TANC2: variants seen among roughly 807,000 people sequenced by gnomAD.
TANC2 encodes tetratricopeptide repeat, ankyrin repeat and coiled-coil containing 2.
In TANC2, 26 loss-of-function variants were observed where a neutral mutation model predicts 210.5. The observed-to-expected ratio is 0.12, with a 90% CI of 0.09 to 0.17. TANC2 has a LOEUF of 0.17. Among genes scored for constraint, TANC2 ranks in the 10% least tolerant of loss-of-function variants. TANC2 has a pLI of 1.00. For missense variants in TANC2, 2,129 were observed against 2,608.9 expected (o/e 0.82, Z 4.01); for synonymous variants, 931 against 967.1 (o/e 0.96, Z 0.69).
At chr17:63,354,896 A>G (rs199972865) in exon 14 of TANC2, 2 of 1,613,858 alleles carry the variant, frequency 1.2e-6, no homozygotes, top group South Asian at 2.2e-5. Context: ...ACAGCAGCTC[A>G]GAGATCCAGA....
intron 9 of TANC2, among the ~76,000 whole-genome samples, chr17:63,307,932 A>C (rs2044979979): frequency 6.6e-6 from 1 of 151,978 alleles, no homozygotes; most frequent in African/African-American, 2.4e-5. Context: ...TGCCCAGCTA[A>C]TTTTTTGTAT....
intron 5 of TANC2, among the ~76,000 whole-genome samples, chr17:63,170,060 A>G (rs541765804): frequency 1.3e-5 from 2 of 151,200 alleles, no homozygotes; most frequent in East Asian, 3.9e-4. Context: ...CGGCACTTGC[A>G]GTGAGCGGAG....
chr17:63,080,777 T>C (rs965156904), intron 3 of TANC2, among the ~76,000 whole-genome samples: 1 of 152,158 alleles, frequency 6.6e-6, no homozygotes, highest in Non-Finnish European at 1.5e-5. Flanking sequence ...TATTTCAATA[T>C]TCAGTGTATT....
At chr17:63,253,830 G>A (rs1423236313) in intron 8 of TANC2, among the ~76,000 whole-genome samples, 2 of 151,860 alleles carry the variant, frequency 1.3e-5, no homozygotes, top group Non-Finnish European at 2.9e-5. Flanking sequence ...GTTGTTTTTG[G>A]TAGAGACAGG....
intron 19 of TANC2, chr17:63,399,160 C>T: frequency 3.8e-6 from 1 of 266,412 alleles, no homozygotes; most frequent in Non-Finnish European, 7.1e-6. Context: ...TCTCTTGTTT[C>T]CAAATATTTT....
At chr17:63,383,754 A>G (rs1045246437) in intron 15 of TANC2, among the ~76,000 whole-genome samples, 2 of 152,176 alleles carry the variant, frequency 1.3e-5, no homozygotes, top group South Asian at 4.1e-4. Context: ...TTGTATGGTA[A>G]GACTATGTTT....
At chr17:62,984,199 G>A (rs2032451362) in intron 1 of TANC2, among the ~76,000 whole-genome samples, 1 of 151,878 alleles carries the variant, frequency 6.6e-6, no homozygotes, top group Admixed American at 6.6e-5. Context: ...TCTTCATTTG[G>A]TCTTGTTAGC....
At chr17:63,222,687 T>C (rs1223496944) in intron 7 of TANC2, among the ~76,000 whole-genome samples, 1 of 151,736 alleles carries the variant, frequency 6.6e-6, no homozygotes, top group Non-Finnish European at 1.5e-5. Flanking sequence ...TGAATCTTAT[T>C]GTATGTAAAT....
At chr17:63,255,313 C>A (rs980643721) in intron 8 of TANC2, among the ~76,000 whole-genome samples, 2 of 152,064 alleles carry the variant, frequency 1.3e-5, no homozygotes, top group Middle Eastern at 3.4e-3. Flanking sequence ...TGGTCTTGAT[C>A]TCCTGACCTT....
chr17:63,215,318 A>G (rs1033035033), intron 7 of TANC2, among the ~76,000 whole-genome samples: 3 of 152,196 alleles, frequency 2.0e-5, no homozygotes, highest in Non-Finnish European at 4.4e-5. Flanking sequence ...ATCGTCTTTT[A>G]TTGAACAATG....
chr17:63,161,816 TTAG>T (rs1465239844), intron 5 of TANC2, among the ~76,000 whole-genome samples: 1 of 152,178 alleles, frequency 6.6e-6, no homozygotes, highest in Admixed American at 6.5e-5. Context: ...CATCCACCGA[TTAG>T]TAGTAGGTGC....
At chr17:63,184,567 A>AAC (rs139575287) in intron 5 of TANC2, among the ~76,000 whole-genome samples, 3,143 of 152,132 alleles carry the variant, frequency 0.021, 41 homozygotes, top group South Asian at 0.038. Flanking sequence ...TCCCCTTACA[A>AAC]ACATACCCAC....
intron 7 of TANC2, among the ~76,000 whole-genome samples, chr17:63,220,736 A>ATG (rs1567826730): frequency 7.0e-6 from 1 of 142,334 alleles, no homozygotes; most frequent in Non-Finnish European, 1.5e-5. Context: ...ATATATATAT[A>ATG]TGTATATATA....
chr17:63,179,779 T>C (rs1041670569), intron 5 of TANC2, among the ~76,000 whole-genome samples: 4 of 151,950 alleles, frequency 2.6e-5, no homozygotes, highest in Non-Finnish European at 5.9e-5. Flanking sequence ...TCCATCCCTT[T>C]CCTCCCCTCA....
At chr17:63,051,986 A>G (rs2035598960) in intron 2 of TANC2, among the ~76,000 whole-genome samples, 1 of 152,208 alleles carries the variant, frequency 6.6e-6, no homozygotes, top group South Asian at 2.1e-4. Context: ...AGGAAAAAAC[A>G]TAGTGCACAT....
chr17:63,040,170 A>G (rs563337519), intron 2 of TANC2, among the ~76,000 whole-genome samples: 13 of 152,316 alleles, frequency 8.5e-5, no homozygotes, highest in Non-Finnish European at 1.9e-4. Flanking sequence ...GTGAGTTCGC[A>G]TTGCACATAG....
intron 21 of TANC2, among the ~76,000 whole-genome samples, chr17:63,406,855 G>A (rs2048525345): frequency 6.6e-6 from 1 of 152,198 alleles, no homozygotes; most frequent in South Asian, 2.1e-4. Context: ...TATCACCTGT[G>A]CATAACAGTG....
chr17:62,985,476 AT>A (rs750325403), intron 1 of TANC2, among the ~76,000 whole-genome samples: 53 of 151,804 alleles, frequency 3.5e-4, no homozygotes, highest in Non-Finnish European at 5.7e-4. Context: ...TTTTTTTCAC[AT>A]TTCCTTTCCT....
At chr17:63,193,443 T>G (rs941132721) in intron 5 of TANC2, among the ~76,000 whole-genome samples, 4 of 152,200 alleles carry the variant, frequency 2.6e-5, no homozygotes, top group Non-Finnish European at 4.4e-5. Flanking sequence ...ATGCAGATCT[T>G]ACCTTCTTAG....
Sources: allele counts gnomAD v4.1 joint callset (sites outside exome capture counted in the v4.1 genomes callset), GRCh38; gene constraint gnomAD v4.1.1; transcripts MANE v1.5; gene names NCBI Gene and HGNC (gene_info 2026-07-23, HGNC 2026-07-21).